Variants in SULT4A1 observed in about 807,000 individuals in gnomAD.
SULT4A1 encodes the protein sulfotransferase 4A1.
Under a neutral mutation model 35.2 loss-of-function variants are expected in SULT4A1, and 11 were observed. The ratio of observed to expected loss-of-function variants is 0.31; its 90% CI spans 0.20 to 0.52. The LOEUF is 0.52. Ranked by LOEUF, SULT4A1 falls within the 20% of genes least tolerant of loss-of-function variation. SULT4A1 has a pLI of 0.97. For missense variants in SULT4A1, 271 were observed against 383.7 expected, an observed-to-expected ratio of 0.71 and a Z score of 2.45; for synonymous variants, 152 against 151.8, an observed-to-expected ratio of 1.00 and a Z score of -0.01.
At position 43,842,425 on chromosome 22, in the gene SULT4A1, G is replaced by A. The variant is rs140444029; in HGVS notation, c.170-493C>T. ...GAAGCCAGTGCTTGTCCACCAGTAC[G>A]CAGGTTCTAGAACAGTCTTGGCCAC... is the stretch of plus-strand genomic sequence containing the variant. On this transcript the variant is annotated intron_variant, in intron 1 of 6. Transcript: ENST00000330884. Among the ~76,000 whole-genome samples, 101 of 152,286 alleles carry A rather than the reference G, an allele frequency of 6.6e-4. 2 individuals carry two copies. In the East Asian group the frequency reaches 9.4e-3, roughly 14 times the overall value.
intron 1 of SULT4A1, among the ~76,000 whole-genome samples, chr22:43,860,111 C>A (rs2049449245): frequency 6.6e-6 from 1 of 152,216 alleles, no homozygotes; most frequent in South Asian, 2.1e-4. Flanking sequence ...TGGGAAGGGG[C>A]TGACAAGGGA....
intron 6 of SULT4A1, chr22:43,826,942 C>T (rs2063291243): frequency 8.1e-6 from 8 of 985,450 alleles, no homozygotes; most frequent in Non-Finnish European, 7.2e-6. Context: ...CTGCAGGCAC[C>T]GGTCTACGCT....
At chr22:43,860,369 A>T (rs887684106) in intron 1 of SULT4A1, among the ~76,000 whole-genome samples, 1 of 152,158 alleles carries the variant, frequency 6.6e-6, no homozygotes, top group Non-Finnish European at 1.5e-5. Context: ...TGGGCACAAC[A>T]GGTGTTCAGG....
intron 1 of SULT4A1, among the ~76,000 whole-genome samples, chr22:43,860,623 G>A (rs2049455537): frequency 6.6e-6 from 1 of 152,168 alleles, no homozygotes; most frequent in Non-Finnish European, 1.5e-5. Flanking sequence ...TTCTTAATGT[G>A]TAAGCACTGA....
At chr22:43,839,501 G>C (rs1395867359) in intron 3 of SULT4A1, among the ~76,000 whole-genome samples, 1 of 152,204 alleles carries the variant, frequency 6.6e-6, no homozygotes, top group Non-Finnish European at 1.5e-5. Context: ...GGCTGAGGCA[G>C]GAGAATCGCT....
chr22:43,855,420 G>A (rs1292218806), intron 1 of SULT4A1, among the ~76,000 whole-genome samples: 4 of 152,214 alleles, frequency 2.6e-5, no homozygotes, highest in Non-Finnish European at 5.9e-5. Context: ...TGCCCCTGCC[G>A]CTGGTGGGGT....
chr22:43,826,379 C>T (rs1257004272), intron 6 of SULT4A1: 1 of 985,272 alleles, frequency 1.0e-6, no homozygotes. Flanking sequence ...CTCCTGGTGC[C>T]ATTCCACACC....
chr22:43,832,828 C>T (rs1345308406), intron 5 of SULT4A1, among the ~76,000 whole-genome samples: 1 of 152,146 alleles, frequency 6.6e-6, no homozygotes, highest in African/African-American at 2.4e-5. Context: ...CCAACTCCAG[C>T]ACTGGCTCAC....
At chr22:43,829,773 C>A (rs1024858427) in intron 5 of SULT4A1, among the ~76,000 whole-genome samples, 1 of 152,170 alleles carries the variant, frequency 6.6e-6, no homozygotes, top group Non-Finnish European at 1.5e-5. Context: ...CAGCCCCCCA[C>A]CCCTGCCACT....
Position 43,833,623 on chromosome 22 carries a change from G to A in SULT4A1, c.603+17C>T. 6.3e-7 allele frequency: 1 copy of A among 1,583,136 alleles called. No individual in the cohort carries two copies. Among genetic ancestry groups the A allele is most frequent in the Non-Finnish European group, 8.6e-7 (1 of 1,163,430 alleles). On this transcript the variant is annotated intron_variant, in intron 5 of 6. Transcript: ENST00000330884. ...GGGCCAGGGCACCCGGAGGACAGCT[G>A]CTCCGGCAGCACTCACCCGATGCAT...
chr22:43,841,532 G>A (rs2063428625), intron 2 of SULT4A1, among the ~76,000 whole-genome samples: 1 of 152,018 alleles, frequency 6.6e-6, no homozygotes, highest in Non-Finnish European at 1.5e-5. Flanking sequence ...CCCAGGGCCT[G>A]CTCCCCACAA....
At chr22:43,842,278 G>C (rs1206424043) in intron 1 of SULT4A1, among the ~76,000 whole-genome samples, 1 of 152,192 alleles carries the variant, frequency 6.6e-6, no homozygotes, top group African/African-American at 2.4e-5. Flanking sequence ...GTTTACGCAG[G>C]AATGATGGGT....
chr22:43,856,905 G>C (rs1258710840), intron 1 of SULT4A1, among the ~76,000 whole-genome samples: 1 of 152,046 alleles, frequency 6.6e-6, no homozygotes, highest in Non-Finnish European at 1.5e-5. Context: ...ATGCTGTGTT[G>C]AGCAGTCAAA....
chr22:43,856,985 C>CAAACAA (rs1206603378), intron 1 of SULT4A1, among the ~76,000 whole-genome samples: 2 of 152,050 alleles, frequency 1.3e-5, no homozygotes, highest in African/African-American at 2.4e-5. Context: ...AAGCAATCAA[C>CAAACAA]AGAATTAGAC....
At chr22:43,844,685 C>T (rs59188291) in intron 1 of SULT4A1, among the ~76,000 whole-genome samples, 1,892 of 152,292 alleles carry the variant, frequency 0.012, 46 homozygotes, top group African/African-American at 0.043. Context: ...CAGCACTCTC[C>T]GCTCTGCCTG....
chr22:43,854,139 T>C (rs1382774982), intron 1 of SULT4A1, among the ~76,000 whole-genome samples: 2 of 152,134 alleles, frequency 1.3e-5, no homozygotes, highest in African/African-American at 2.4e-5. Context: ...CGGACAACAA[T>C]GGCAGACAGG....
At chr22:43,828,563 G>A (rs2063304132) in intron 6 of SULT4A1, among the ~76,000 whole-genome samples, 1 of 152,234 alleles carries the variant, frequency 6.6e-6, no homozygotes, top group Non-Finnish European at 1.5e-5. Flanking sequence ...CCTGCACCCA[G>A]AAGATGCTCA....
chr22:43,859,314 G>A (rs1274032834), intron 1 of SULT4A1, among the ~76,000 whole-genome samples: 1 of 152,192 alleles, frequency 6.6e-6, no homozygotes, highest in Non-Finnish European at 1.5e-5. Flanking sequence ...AAACCAGGTG[G>A]CTCACCCACG....
At chr22:43,828,229 A>G (rs1208168461) in intron 6 of SULT4A1, among the ~76,000 whole-genome samples, 1 of 152,212 alleles carries the variant, frequency 6.6e-6, no homozygotes, top group African/African-American at 2.4e-5. Context: ...GAAGTGCCCA[A>G]CACACCAAGT....
Sources: gnomAD v4.1 joint callset for allele counts (sites outside exome capture counted in the v4.1 genomes callset) on GRCh38, gnomAD v4.1.1 for gene constraint, MANE v1.5 for transcripts, NCBI Gene and HGNC (gene_info 2026-07-23, HGNC 2026-07-21) for gene names.